The following COL4A4 variants were observed in gnomAD, a reference collection of about 807,000 sequenced individuals.
COL4A4 encodes the protein collagen alpha-4(IV) chain.
COL4A4 carries 105 observed loss-of-function variants against 192.9 expected under a neutral mutation model. That is an observed-to-expected ratio of 0.54 (90% CI 0.46 to 0.64). The LOEUF (loss-of-function observed/expected upper bound fraction) is 0.64, where lower values mean the gene tolerates loss of function less well. COL4A4 is among the 30% of genes least tolerant of loss of function. The pLI is 0.00. For missense variants in COL4A4, 1,967 were observed against 2,169.3 expected, an observed-to-expected ratio of 0.91 and a Z score of 1.85; for synonymous variants, 762 against 769.9, an observed-to-expected ratio of 0.99 and a Z score of 0.17.
At chr2:226,988,253 T>A in the COL4A4 span, 4 of 1,369,020 alleles carry the variant, frequency 2.9e-6, no homozygotes, top group Non-Finnish European at 3.9e-6. Context: ...GTAGGACTCA[T>A]ATCAGGGCCC....
At chr2:226,994,214 A>G in the COL4A4 span, among the ~76,000 whole-genome samples, 2 of 152,214 alleles carry the variant, frequency 1.3e-5, no homozygotes, top group African/African-American at 2.4e-5. Context: ...TCAAGTCCAT[A>G]TATTTATTGA....
intron 45 of COL4A4, 35 bp from the exon 46 acceptor site, chr2:227,010,536 TA>T: frequency 6.7e-7 from 1 of 1,488,406 alleles, no homozygotes; most frequent in Non-Finnish European, 8.9e-7. Flanking sequence ...GAAGGCAGGT[TA>T]GGGGGTTTGG....
At chr2:227,002,266 A>G (rs1207056488), downstream of COL4A4, among the ~76,000 whole-genome samples, 5 of 152,126 alleles carry the variant, frequency 3.3e-5, no homozygotes, top group Non-Finnish European at 1.5e-5. Flanking sequence ...AAATGTAATC[A>G]ATACCTAACT....
In COL4A4 at chr2:227,094,179, C is replaced by T. The variant is rs1489854655; in HGVS notation, c.1315G>A (p.Gly439Arg). Reference sequence around the variant, plus strand: ...GGTGCTCCAGGCAAGCCAGGTGATCCTGGCTTCCCTGGTTTTCCTGGAGCA... The same window carrying T: ...GGTGCTCCAGGCAAGCCAGGTGATCTTGGCTTCCCTGGTTTTCCTGGAGCA... ...DSAPGKPGKP[G>R]SPGLPGAPGL... Residue 439 changes from glycine (G) to arginine (R), a missense_variant, in exon 20 of 48, where the codon GGA (glycine) becomes AGA (arginine). Coordinates refer to ENST00000396625, the MANE Select transcript of COL4A4 (RefSeq NM_000092.5). 1 of 1,613,572 alleles carries T rather than the reference C, an allele frequency of 6.2e-7. No homozygotes were observed. The highest frequency in any genetic ancestry group is 1.3e-5 in the African/African-American group (1 of 74,904).
chr2:227,082,695 G>A (rs929064283), intron 22 of COL4A4, among the ~76,000 whole-genome samples: 1 of 152,326 alleles, frequency 6.6e-6, no homozygotes, highest in South Asian at 2.1e-4. Flanking sequence ...TAGAGATTTA[G>A]GGATAAGTTT....
chr2:227,073,648 C>T (rs1407601684), intron 25 of COL4A4, among the ~76,000 whole-genome samples: 1 of 152,090 alleles, frequency 6.6e-6, no homozygotes, highest in Non-Finnish European at 1.5e-5. Flanking sequence ...TCAAATTATA[C>T]TACAAGGCTT....
intron 22 of COL4A4, among the ~76,000 whole-genome samples, chr2:227,087,040 T>C (rs558608431): frequency 1.3e-5 from 2 of 152,304 alleles, no homozygotes; most frequent in East Asian, 3.9e-4. Flanking sequence ...TGGGGCTTGA[T>C]GGTCAAGTTC....
rs1389215539 is a variant in COL4A4, at chr2:227,033,441, C to G, written c.3546G>C (p.Leu1182Phe). The G allele has an allele frequency of 5.6e-6, 9 of 1,613,504 alleles. No homozygotes were observed. In the African/African-American group the frequency reaches 1.2e-4, roughly 22 times the overall value. ...GSPGLNGLHG[L>F]KGQKGTKGAS... ...CACCTTTAGTTCCTTTCTGACCTTT[C>G]AATCCATGCAAGCCGTTCAGGCCAG... The change falls in exon 38 of 48, where the codon TTG becomes TTC. Residue 1182 changes from leucine (L) to phenylalanine (F), a missense_variant. Coordinates refer to ENST00000396625, the MANE Select transcript of COL4A4 (RefSeq NM_000092.5).
the COL4A4 span, among the ~76,000 whole-genome samples, chr2:226,972,609 A>G: frequency 5.3e-5 from 8 of 152,204 alleles, no homozygotes; most frequent in Non-Finnish European, 1.2e-4. Flanking sequence ...GGGTCAAGGC[A>G]GGAGCTGGAA....
intron 1 of COL4A4, among the ~76,000 whole-genome samples, chr2:227,160,573 C>T (rs997545651): frequency 2.6e-5 from 4 of 152,154 alleles, no homozygotes; most frequent in Non-Finnish European, 4.4e-5. Flanking sequence ...CTCCCCATGT[C>T]CCGTGATGAA....
chr2:227,105,679 G>T (rs1279434152), intron 12 of COL4A4, among the ~76,000 whole-genome samples: 1 of 152,062 alleles, frequency 6.6e-6, no homozygotes, highest in African/African-American at 2.4e-5. Flanking sequence ...TAAATATTTT[G>T]TGCTTTTCTG....
At chr2:227,117,839 G>A (rs2061574943) in intron 7 of COL4A4, among the ~76,000 whole-genome samples, 1 of 152,030 alleles carries the variant, frequency 6.6e-6, no homozygotes, top group Non-Finnish European at 1.5e-5. Context: ...CCCAAGTGCT[G>A]GATACTATCA....
At chr2:227,069,490 A>G (rs1168582449) in intron 25 of COL4A4, among the ~76,000 whole-genome samples, 3 of 151,750 alleles carry the variant, frequency 2.0e-5, no homozygotes, top group South Asian at 2.1e-4. Context: ...TACAGTAACC[A>G]AAACAGCATG....
chr2:227,072,089 A>G (rs1247353817), intron 25 of COL4A4, among the ~76,000 whole-genome samples: 1 of 151,932 alleles, frequency 6.6e-6, no homozygotes, highest in South Asian at 2.1e-4. Context: ...ATGAAAAATT[A>G]ATGAATAAAA....
At chr2:227,128,943 C>T (rs1166720228) in intron 4 of COL4A4, among the ~76,000 whole-genome samples, 2 of 152,150 alleles carry the variant, frequency 1.3e-5, no homozygotes, top group Non-Finnish European at 2.9e-5. Flanking sequence ...TTCCACACCC[C>T]CACCCTCTGC....
intron 4 of COL4A4, among the ~76,000 whole-genome samples, chr2:227,136,819 C>T (rs544789122): frequency 1.3e-5 from 2 of 152,286 alleles, no homozygotes; most frequent in East Asian, 3.9e-4. Flanking sequence ...AGGAATAGCC[C>T]GCTATGCCAC....
At chr2:227,037,811 T>C (rs943149957) in intron 37 of COL4A4, among the ~76,000 whole-genome samples, 2 of 152,206 alleles carry the variant, frequency 1.3e-5, no homozygotes, top group Non-Finnish European at 2.9e-5. Context: ...CTCATTGTGG[T>C]TTTGATTTGC....
intron 25 of COL4A4, among the ~76,000 whole-genome samples, chr2:227,075,640 G>A (rs1367767389): frequency 6.6e-6 from 1 of 152,092 alleles, no homozygotes; most frequent in Admixed American, 6.6e-5. Flanking sequence ...TCTGGCCAAG[G>A]CAATCAGGCA....
intron 37 of COL4A4, among the ~76,000 whole-genome samples, chr2:227,041,900 A>AAG (rs1269042721): frequency 6.0e-5 from 9 of 150,236 alleles, no homozygotes; most frequent in African/African-American, 2.2e-4. Flanking sequence ...GAAAGAAAGA[A>AAG]AGAAAGAAAG....
Sources: allele counts gnomAD v4.1 joint callset (sites outside exome capture counted in the v4.1 genomes callset), GRCh38; gene constraint gnomAD v4.1.1; transcripts MANE v1.5; gene names NCBI Gene and HGNC (gene_info 2026-07-23, HGNC 2026-07-21).